Variants in PARPBP observed in about 807,000 individuals in gnomAD.
PARPBP encodes the protein PARP1 binding protein.
A neutral mutation model predicts 50.0 loss-of-function variants in PARPBP; 52 were observed. The observed-to-expected ratio is 1.04, with a 90% CI of 0.83 to 1.31. The LOEUF (loss-of-function observed/expected upper bound fraction) is 1.31, where lower values mean the gene tolerates loss of function less well. Ranked by LOEUF, PARPBP falls within the 50% of genes most tolerant of loss-of-function variation. PARPBP has a pLI of 0.00. For synonymous variants in PARPBP, 244 were observed against 232.1 expected (o/e 1.05, Z -0.47); for missense variants, 697 against 672.0 (o/e 1.04, Z -0.41).
intron 6 of PARPBP, among the ~76,000 whole-genome samples, chr12:102,169,705 G>A (rs373854643): frequency 1.3e-4 from 19 of 151,896 alleles, no homozygotes; most frequent in African/African-American, 1.9e-4. Context: ...CTATCCTGTC[G>A]TCCTCATTGC....
chr12:102,137,909 G>A (rs928474605), intron 2 of PARPBP, among the ~76,000 whole-genome samples: 1 of 152,222 alleles, frequency 6.6e-6, no homozygotes, highest in African/African-American at 2.4e-5. Flanking sequence ...TATCATTCTT[G>A]GACATTTGGG....
At chr12:102,188,226 A>G (rs571548438) in intron 9 of PARPBP, among the ~76,000 whole-genome samples, 3 of 150,678 alleles carry the variant, frequency 2.0e-5, no homozygotes, top group Non-Finnish European at 4.4e-5. Flanking sequence ...CCTTGATTCC[A>G]CTTGAGAAGT....
chr12:102,163,574 T>A (rs1168532708), intron 4 of PARPBP, among the ~76,000 whole-genome samples: 1 of 152,222 alleles, frequency 6.6e-6, no homozygotes, highest in East Asian at 1.9e-4. Context: ...ACGTGTATGT[T>A]TGACCTCTTA....
chr12:102,123,056 C>T (rs1013987494), intron 1 of PARPBP, among the ~76,000 whole-genome samples: 1 of 152,160 alleles, frequency 6.6e-6, no homozygotes, highest in Admixed American at 6.5e-5. Context: ...ACAATTCCTC[C>T]TGTTGTAATA....
intron 2 of PARPBP, among the ~76,000 whole-genome samples, chr12:102,124,287 A>G (rs995646442): frequency 6.6e-6 from 1 of 152,194 alleles, no homozygotes; most frequent in Non-Finnish European, 1.5e-5. Context: ...TTGATGTTTA[A>G]TAGGAAGATT....
At chr12:102,136,234 A>T (rs1417102388) in intron 2 of PARPBP, among the ~76,000 whole-genome samples, 2 of 152,224 alleles carry the variant, frequency 1.3e-5, no homozygotes, top group Non-Finnish European at 2.9e-5. Context: ...TAAATGATGG[A>T]TTATGAGAAT....
rs751606640 is a variant in PARPBP at position 102,195,966 on chromosome 12, C to A, written c.1415C>A (p.Ser472Tyr). ...TGCATAACAGAGGGTGTAAATCCATCTGTTGGAAGATCAACAATTGGAACG... is the reference window on the plus strand; with the variant it reads ...TGCATAACAGAGGGTGTAAATCCATATGTTGGAAGATCAACAATTGGAACG... ...ENDLSEGVNPSVGRSTIGTSF... is the reference protein window; with the variant it reads ...ENDLSEGVNPYVGRSTIGTSF... The change falls in exon 11 of 11, where the codon TCT becomes TAT. Residue 472 changes from serine to tyrosine, a missense_variant. Transcript: ENST00000327680. 1.3e-6 allele frequency: 2 copies of A among 1,596,388 alleles called. No homozygotes were observed. Among genetic ancestry groups the A allele is most frequent in the South Asian group, 2.3e-5 (2 of 88,140 alleles).
At chr12:102,133,902 TTAAAAA>T (rs1883228944) in intron 2 of PARPBP, among the ~76,000 whole-genome samples, 1 of 151,556 alleles carries the variant, frequency 6.6e-6, no homozygotes, top group South Asian at 2.1e-4. Context: ...AAAAGGAAAT[TTAAAAA>T]AACCTTAAAA....
intron 8 of PARPBP, among the ~76,000 whole-genome samples, chr12:102,179,444 C>T (rs193240721): frequency 6.6e-6 from 1 of 152,308 alleles, no homozygotes; most frequent in East Asian, 1.9e-4. Context: ...CAATAGAAAC[C>T]TATTTTCTCT....
At chr12:102,157,467 T>A (rs1214907699) in intron 4 of PARPBP, among the ~76,000 whole-genome samples, 1 of 152,156 alleles carries the variant, frequency 6.6e-6, no homozygotes, top group Non-Finnish European at 1.5e-5. Flanking sequence ...TTTTTTTAAT[T>A]TTCTGATTAA....
intron 4 of PARPBP, among the ~76,000 whole-genome samples, chr12:102,159,154 G>A (rs1364369493): frequency 3.9e-5 from 6 of 152,042 alleles, no homozygotes; most frequent in African/African-American, 1.5e-4. Context: ...CCTCTGAGAC[G>A]GAGTTTCACT....
At chr12:102,129,074 T>C (rs531829094) in intron 2 of PARPBP, among the ~76,000 whole-genome samples, 1 of 152,194 alleles carries the variant, frequency 6.6e-6, no homozygotes, top group East Asian at 1.9e-4. Context: ...TTTATATACC[T>C]CTTGGCAATT....
At chr12:102,130,794 G>T (rs936996712) in intron 2 of PARPBP, among the ~76,000 whole-genome samples, 4 of 151,784 alleles carry the variant, frequency 2.6e-5, no homozygotes, top group African/African-American at 7.3e-5. Flanking sequence ...GGCAGAGGTT[G>T]CAGTGAGCTG....
At position 102,130,876 on chromosome 12, in the gene PARPBP, A is replaced by C. The variant is rs1882749727; in HGVS notation, c.153+6835A>C. Among the ~76,000 whole-genome samples the C allele has an allele frequency of 2.0e-5, 3 of 151,962 alleles. No individual in the cohort carries two copies. In the South Asian group the frequency reaches 6.2e-4, roughly 32 times the overall value. On this transcript the variant is annotated intron_variant, in intron 2 of 10. Coordinates refer to ENST00000327680, the MANE Select transcript of PARPBP (RefSeq NM_017915.5). ...ATCTCAGAAAAAAAAAAACCTAAAA[A>C]AAAGAAGTGGGTAAAGGACATGAAC...
rs749862428 is a variant in PARPBP, at chr12:102,197,487, C to A, written c.*1196C>A. 1.3e-5 allele frequency: 20 copies of A among 1,547,042 alleles called. No individual in the cohort carries two copies. The highest frequency in any genetic ancestry group is 1.6e-5 in the Non-Finnish European group (18 of 1,147,776). The stretch of plus-strand genomic sequence containing the variant: ...GATTTGTAAGAATCATTTAAATTTT[C>A]ATTGAAATAAACGACAAGTCACATT... On this transcript the variant is annotated 3_prime_UTR_variant, in exon 11 of 11. Transcript: ENST00000327680.
intron 8 of PARPBP, 132 bp from the exon 9 acceptor site, chr12:102,182,417 C>G: frequency 1.6e-6 from 1 of 626,290 alleles, no homozygotes; most frequent in Non-Finnish European, 2.8e-6. Context: ...ATGAGTTTAT[C>G]TGGGAGGTAA....
chr12:102,145,569 T>G (rs182673448), intron 2 of PARPBP, among the ~76,000 whole-genome samples: 2 of 152,214 alleles, frequency 1.3e-5, no homozygotes, highest in East Asian at 3.8e-4. Flanking sequence ...TATGCAGATG[T>G]TGAAGAAGAC....
intron 6 of PARPBP, among the ~76,000 whole-genome samples, chr12:102,167,667 A>G (rs1168835956): frequency 6.6e-6 from 1 of 152,168 alleles, no homozygotes; most frequent in African/African-American, 2.4e-5. Flanking sequence ...TGAAAGCTGT[A>G]AATCTGGCTA....
rs1880761401 is a variant in PARPBP, at chr12:102,120,217, G to A, written c.-73G>A. 9.0e-6 allele frequency: 2 copies of A among 221,954 alleles called. No homozygotes were observed. Among genetic ancestry groups the A allele is most frequent in the Admixed American group, 5.4e-5 (1 of 18,398 alleles). 13.7% of individuals were successfully genotyped at this position (221,954 alleles called of 1,614,324 possible). On this transcript the variant is annotated 5_prime_UTR_variant, in exon 1 of 11. Coordinates refer to ENST00000327680, the MANE Select transcript of PARPBP (RefSeq NM_017915.5). ...GGCGACAGCGGCGACTGCGGCGGCC[G>A]CGGGAGGGCATCCCGTTGGGGATCC...
Sources: allele counts gnomAD v4.1 joint callset (sites outside exome capture counted in the v4.1 genomes callset), GRCh38; gene constraint gnomAD v4.1.1; transcripts MANE v1.5; gene names NCBI Gene and HGNC (gene_info 2026-07-23, HGNC 2026-07-21).